Variants in EEA1 observed in about 807,000 individuals in gnomAD.
The protein encoded by EEA1 is early endosome antigen 1, 162kD.
A neutral mutation model predicts 209.2 loss-of-function variants in EEA1; 111 were observed. That is an observed-to-expected ratio of 0.53 (90% CI 0.45 to 0.62). EEA1 has a LOEUF of 0.62. Among genes scored for constraint, EEA1 ranks in the 20% least tolerant of loss-of-function variants. The pLI, the probability that EEA1 is intolerant of heterozygous loss-of-function variation, is 0.00. For missense variants in EEA1, 1,343 were observed against 1,530.8 expected (o/e 0.88, Z 2.05); for synonymous variants, 536 against 540.6 (o/e 0.99, Z 0.12).
At chr12:92,863,102 CAAG>C (rs914757211) in intron 3 of EEA1, among the ~76,000 whole-genome samples, 1 of 152,044 alleles carries the variant, frequency 6.6e-6, no homozygotes, top group Non-Finnish European at 1.5e-5. Flanking sequence ...CAAAACAGAT[CAAG>C]AAAAAATTAT....
In EEA1 at chr12:92,914,868, T is replaced by G. The variant is rs1039458585; in HGVS notation, c.24+14175A>C. ...CAGTACAGATGGGGTTTTGCCACAT[T>G]GGCCAGGCTGGTCTTGAACTCTTGA... On this transcript the variant is annotated intron_variant, in intron 1 of 28. Coordinates refer to ENST00000322349, the MANE Select transcript of EEA1 (RefSeq NM_003566.4). Among the ~76,000 whole-genome samples the G allele has an allele frequency of 6.8e-4, 104 of 151,852 alleles. 5 individuals carry two copies. The highest frequency in any genetic ancestry group is 5.9e-5 in the Non-Finnish European group (4 of 67,982).
At chr12:92,807,658 TA>T (rs762106864) in intron 18 of EEA1, among the ~76,000 whole-genome samples, 4 of 152,024 alleles carry the variant, frequency 2.6e-5, no homozygotes, top group Non-Finnish European at 5.9e-5. Flanking sequence ...AAATTAAATT[TA>T]AAAAACAATT....
intron 9 of EEA1, among the ~76,000 whole-genome samples, chr12:92,844,181 T>C (rs1877296939): frequency 6.6e-6 from 1 of 152,214 alleles, no homozygotes; most frequent in Non-Finnish European, 1.5e-5. Flanking sequence ...GCGATTGGAC[T>C]GAATGATCAA....
Position 92,787,993 on chromosome 12 carries a change from T to C in EEA1, c.3024A>G (p.Ala1008=). ...QQLTQAAQEL[A]AEKEKISVLQ... ...ATACTGATATTTTCTCTTTCTCTGC[T>C]GCAAGTTCCTGGGCTGCCTGTGTTA... Residue 1008 remains alanine, a synonymous_variant, in exon 22 of 29, where the codon GCA becomes GCG. Coordinates refer to ENST00000322349, the MANE Select transcript of EEA1 (RefSeq NM_003566.4). 1 of 1,612,184 alleles carries C rather than the reference T, an allele frequency of 6.2e-7. No individual in the cohort carries two copies. The highest frequency in any genetic ancestry group is 8.5e-7 in the Non-Finnish European group (1 of 1,179,132).
At chr12:92,813,351 TAAGA>T in intron 15 of EEA1, among the ~76,000 whole-genome samples, 1 of 152,282 alleles carries the variant, frequency 6.6e-6, no homozygotes, top group Non-Finnish European at 1.5e-5. Context: ...ATTCCTTTGC[TAAGA>T]AAGAAAAGGT....
intron 21 of EEA1, among the ~76,000 whole-genome samples, chr12:92,795,392 T>C (rs1293675388): frequency 6.6e-6 from 1 of 152,194 alleles, no homozygotes; most frequent in Non-Finnish European, 1.5e-5. Context: ...AAGTATAAGC[T>C]CCACAAGAAC....
chr12:92,786,207 T>A (rs1475923132), intron 22 of EEA1, among the ~76,000 whole-genome samples: 1 of 152,190 alleles, frequency 6.6e-6, no homozygotes, highest in Non-Finnish European at 1.5e-5. Context: ...GGTCTTCAGA[T>A]TCAGCCCTGT....
chr12:92,892,044 G>A (rs1415325441), intron 1 of EEA1, among the ~76,000 whole-genome samples: 1 of 152,148 alleles, frequency 6.6e-6, no homozygotes. Flanking sequence ...CTGTAGAGAA[G>A]AAAACAGATT....
intron 11 of EEA1, among the ~76,000 whole-genome samples, chr12:92,831,452 G>A (rs1876624747): frequency 1.3e-5 from 2 of 149,044 alleles, no homozygotes; most frequent in Non-Finnish European, 3.0e-5. Flanking sequence ...AAATAATGTA[G>A]TTCAAAATAT....
chr12:92,790,273 G>T (rs1874340076), intron 21 of EEA1, among the ~76,000 whole-genome samples: 1 of 152,212 alleles, frequency 6.6e-6, no homozygotes. Flanking sequence ...AAGCTGGATG[G>T]AGAATAACTT....
At chr12:92,797,448 A>G (rs577909119) in intron 21 of EEA1, among the ~76,000 whole-genome samples, 1 of 152,176 alleles carries the variant, frequency 6.6e-6, no homozygotes, top group East Asian at 1.9e-4. Flanking sequence ...TCTCCCAAAT[A>G]TTTTCAACTC....
chr12:92,789,204 C>T (rs1874274101), intron 21 of EEA1, among the ~76,000 whole-genome samples: 1 of 151,028 alleles, frequency 6.6e-6, no homozygotes, highest in Non-Finnish European at 1.5e-5. Context: ...GCAGAAGAAT[C>T]GCCTGAACAC....
At chr12:92,779,386 T>C in intron 24 of EEA1, 86 bp from the exon 25 acceptor site, 2 of 1,223,466 alleles carry the variant, frequency 1.6e-6, no homozygotes, top group African/African-American at 1.6e-5. Flanking sequence ...TTTATCACAA[T>C]AGATCAAATA....
intron 2 of EEA1, chr12:92,883,920 A>C: frequency 1.3e-6 from 2 of 1,562,016 alleles, no homozygotes; most frequent in Non-Finnish European, 1.7e-6. Context: ...TGAGAGATCC[A>C]AACACAGAGC....
intron 23 of EEA1, among the ~76,000 whole-genome samples, chr12:92,781,028 G>A (rs1487328023): frequency 5.3e-5 from 8 of 151,960 alleles, no homozygotes; most frequent in East Asian, 1.9e-4. Context: ...CTCCCACCTC[G>A]GTCTCCCGAG....
In EEA1 at chr12:92,777,600, C is replaced by T. The variant is rs749628924; in HGVS notation, c.3957G>A (p.Lys1319=). The change falls in exon 27 of 29, where the codon AAG becomes AAA. Residue 1319 remains lysine (K), a synonymous_variant. Transcript: ENST00000322349. ...LQTKVLELQR[K]LDNTTAAVQE... ...GCACTGCTGCAGTTGTATTATCCAG[C>T]TTTCTTTGCAATTCTAATACTTTGG... 6.2e-7 allele frequency: 1 copy of T among 1,612,398 alleles called. No homozygotes were observed. The highest frequency in any genetic ancestry group is 8.5e-7 in the Non-Finnish European group (1 of 1,178,906).
intron 15 of EEA1, 121 bp from the exon 16 acceptor site, chr12:92,813,214 A>G (rs1875608028): frequency 5.9e-6 from 3 of 507,612 alleles, no homozygotes; most frequent in Admixed American, 3.6e-5. Context: ...GCAAAAACAT[A>G]TGGATTTATA....
intron 3 of EEA1, among the ~76,000 whole-genome samples, chr12:92,860,258 G>A (rs1310244442): frequency 1.3e-5 from 2 of 152,194 alleles, no homozygotes; most frequent in African/African-American, 4.8e-5. Flanking sequence ...TTTAGTACCA[G>A]ATAACGTTTT....
chr12:92,864,300 G>A (rs1323764489), intron 3 of EEA1, among the ~76,000 whole-genome samples: 1 of 152,028 alleles, frequency 6.6e-6, no homozygotes, highest in Non-Finnish European at 1.5e-5. Flanking sequence ...CCTCAGTGGG[G>A]ATAAAAGACA....
Sources: gnomAD v4.1 joint callset for allele counts (sites outside exome capture counted in the v4.1 genomes callset) on GRCh38, gnomAD v4.1.1 for gene constraint, MANE v1.5 for transcripts, NCBI Gene and HGNC (gene_info 2026-07-23, HGNC 2026-07-21) for gene names.